EIF4E3: variants seen among roughly 807,000 people sequenced by gnomAD.
EIF4E3 encodes eukaryotic translation initiation factor 4E family member 3.
In EIF4E3, 26 loss-of-function variants were observed where a neutral mutation model predicts 31.7. The ratio of observed to expected loss-of-function variants is 0.82; its 90% CI spans 0.60 to 1.14. The LOEUF (loss-of-function observed/expected upper bound fraction) is 1.14, where lower values mean the gene tolerates loss of function less well. Among genes scored for constraint, EIF4E3 ranks in the 50% most tolerant of loss-of-function variants. EIF4E3 has a pLI of 0.00. For missense variants in EIF4E3, 304 were observed against 270.9 expected (o/e 1.12, Z -0.86); for synonymous variants, 128 against 107.7 (o/e 1.19, Z -1.17).
chr3:71,710,306 C>T, intron 2 of EIF4E3, 106 bp downstream of exon 2: 2 of 1,307,204 alleles, frequency 1.5e-6, no homozygotes, highest in Non-Finnish European at 2.2e-6. Flanking sequence ...AACTCCAGAG[C>T]AGAACCCTGG....
intron 2 of EIF4E3, among the ~76,000 whole-genome samples, chr3:71,704,609 C>T (rs888588229): frequency 6.6e-6 from 1 of 152,186 alleles, no homozygotes; most frequent in Non-Finnish European, 1.5e-5. Flanking sequence ...GGCCTGGGGT[C>T]TGGATGTGTG....
chr3:71,737,768 A>AAAC (rs1553668678), intron 1 of EIF4E3, among the ~76,000 whole-genome samples: 188 of 152,022 alleles, frequency 1.2e-3, no homozygotes, highest in Middle Eastern at 6.8e-3. Flanking sequence ...TCTCTACCAA[A>AAAC]AAACAAACAA....
chr3:71,726,641 T>A (rs2049642732), upstream of EIF4E3, among the ~76,000 whole-genome samples: 1 of 152,162 alleles, frequency 6.6e-6, no homozygotes, highest in South Asian at 2.1e-4. Context: ...CAAAACAAGA[T>A]GAGTTCAGGG....
At chr3:71,663,859 C>T in the EIF4E3 span, among the ~76,000 whole-genome samples, 2 of 152,200 alleles carry the variant, frequency 1.3e-5, no homozygotes, top group Non-Finnish European at 2.9e-5. Flanking sequence ...AGGCAAACAG[C>T]GTGCCACCTG....
chr3:71,731,648 G>A (rs1403163406), intron 1 of EIF4E3, among the ~76,000 whole-genome samples: 1 of 152,208 alleles, frequency 6.6e-6, no homozygotes, highest in Non-Finnish European at 1.5e-5. Flanking sequence ...GATATTGGTT[G>A]AAAGGAAGAG....
chr3:71,729,983 C>T (rs1022652442), upstream of EIF4E3, among the ~76,000 whole-genome samples: 3 of 145,314 alleles, frequency 2.1e-5, no homozygotes, highest in African/African-American at 7.6e-5. Context: ...TGTGGGAACT[C>T]CGTTTTCCTT....
chr3:71,695,787 C>T (rs2049127879), intron 4 of EIF4E3, among the ~76,000 whole-genome samples: 1 of 152,154 alleles, frequency 6.6e-6, no homozygotes, highest in Admixed American at 6.5e-5. Context: ...CCCCTTTGTC[C>T]ATTTTCAAAG....
intron 1 of EIF4E3, among the ~76,000 whole-genome samples, chr3:71,740,107 CAA>C (rs1038307591): frequency 4.0e-5 from 6 of 150,938 alleles, no homozygotes; most frequent in African/African-American, 1.5e-4. Flanking sequence ...AATAATCCAA[CAA>C]AAGAGATAAA....
At chr3:71,669,206 T>C in the EIF4E3 span, among the ~76,000 whole-genome samples, 5 of 101,084 alleles carry the variant, frequency 4.9e-5, no homozygotes, top group Non-Finnish European at 9.1e-5. Context: ...TGAGAACATA[T>C]GGGCAGGGCA....
chr3:71,700,177 AAAAAAC>A, intron 2 of EIF4E3, among the ~76,000 whole-genome samples: 1 of 152,302 alleles, frequency 6.6e-6, no homozygotes, highest in East Asian at 1.9e-4. Context: ...CCCTGCCTCA[AAAAAAC>A]AAAAACAAAA....
intron 1 of EIF4E3, among the ~76,000 whole-genome samples, chr3:71,733,130 G>C (rs1191503614): frequency 2.0e-5 from 3 of 152,202 alleles, no homozygotes; most frequent in African/African-American, 7.2e-5. Context: ...ATTTGCCTAG[G>C]ACTGTTCCAA....
In EIF4E3 at chr3:71,683,104, A is replaced by G. The variant is rs978603537; in HGVS notation, c.*1578T>C. On this transcript the variant is annotated 3_prime_UTR_variant, in exon 7 of 7. Transcript: ENST00000425534. ...AACTCAAGTTTAGGGAAAAAAAAAA[A>G]GCATTTTAAGAAACCTATGATGGTA... 1 of 151,984 alleles carries G rather than the reference A, an allele frequency of 6.6e-6. No homozygotes were observed. Among genetic ancestry groups the G allele is most frequent in the African/African-American group, 2.4e-5 (1 of 41,428 alleles). The allele number at this position is 151,984 out of a possible 1,614,324, so 9.4% of individuals were successfully genotyped here.
intron 4 of EIF4E3, 38 bp downstream of exon 4, chr3:71,696,422 G>A (rs2049136529): frequency 1.2e-6 from 2 of 1,612,240 alleles, no homozygotes; most frequent in Non-Finnish European, 1.7e-6. Flanking sequence ...ACAACTCCAA[G>A]CCTCGCCGGT....
At chr3:71,699,546 T>C in intron 3 of EIF4E3, 68 bp downstream of exon 3, 4 of 1,350,490 alleles carry the variant, frequency 3.0e-6, no homozygotes, top group South Asian at 1.2e-5. Context: ...TCAGGTGATA[T>C]GATCTTTTAT....
the EIF4E3 span, among the ~76,000 whole-genome samples, chr3:71,664,388 A>AT: frequency 6.7e-5 from 10 of 148,574 alleles, no homozygotes; most frequent in East Asian, 3.9e-4. Context: ...CAATGCCTCC[A>AT]TTTTTTTTTG....
chr3:71,744,881 A>C (rs2049855482), intron 1 of EIF4E3, among the ~76,000 whole-genome samples: 1 of 152,230 alleles, frequency 6.6e-6, no homozygotes, highest in African/African-American at 2.4e-5. Flanking sequence ...AGGAAGTCTC[A>C]CAGGGAGAGA....
At position 71,725,044 on chromosome 3, in the gene EIF4E3, T is replaced by A. The variant is rs1485926764; in HGVS notation, c.176+148A>T. The stretch of plus-strand genomic sequence containing the variant: ...CTGGCTTCCGACCCGGCGGGGCGAG[T>A]CCCGGGGTGCGCAGGCGGACGCGCG... On this transcript the variant is annotated intron_variant, in intron 1 of 6. Transcript: ENST00000425534. This position sits in a 1 kb window ranked among gnomAD's most constrained non-coding sequence, Gnocchi z 6.1. 2 of 562,936 alleles carry A rather than the reference T, an allele frequency of 3.6e-6. No homozygotes were observed. Among genetic ancestry groups the A allele is most frequent in the African/African-American group, 2.1e-5 (1 of 47,492 alleles). The allele number at this position is 562,936 out of a possible 1,614,324, so 34.9% of individuals were successfully genotyped here.
At chr3:71,687,377 C>G (rs1236074316) in intron 6 of EIF4E3, among the ~76,000 whole-genome samples, 2 of 152,180 alleles carry the variant, frequency 1.3e-5, no homozygotes, top group African/African-American at 4.8e-5. Flanking sequence ...GGGTATTGCT[C>G]TATGCTGATA....
the EIF4E3 span, among the ~76,000 whole-genome samples, chr3:71,660,945 A>C: frequency 6.6e-6 from 1 of 151,914 alleles, no homozygotes; most frequent in Non-Finnish European, 1.5e-5. Context: ...TCATGCTTGC[A>C]CTTCAGTTCC....
Sources: allele counts gnomAD v4.1 joint callset (sites outside exome capture counted in the v4.1 genomes callset), GRCh38; gene constraint gnomAD v4.1.1; non-coding constraint Gnocchi (gnomAD v3.1); transcripts MANE v1.5; gene names NCBI Gene and HGNC (gene_info 2026-07-23, HGNC 2026-07-21).